The following GPC6 variants were observed in gnomAD, a reference collection of about 807,000 sequenced individuals.
The protein encoded by GPC6 is glypican-6.
A neutral mutation model predicts 55.2 loss-of-function variants in GPC6; 14 were observed. The observed-to-expected ratio is 0.25, with a 90% CI of 0.17 to 0.40. The LOEUF (loss-of-function observed/expected upper bound fraction) is 0.40, where lower values mean the gene tolerates loss of function less well. Ranked by LOEUF, GPC6 falls within the 10% of genes least tolerant of loss-of-function variation. GPC6 has a pLI of 1.00. For synonymous variants in GPC6, 278 were observed against 259.6 expected (o/e 1.07, Z -0.68); for missense variants, 641 against 708.5 (o/e 0.90, Z 1.08).
At chr13:94,125,682 C>T (rs1886783101) in intron 4 of GPC6, among the ~76,000 whole-genome samples, 2 of 151,364 alleles carry the variant, frequency 1.3e-5, no homozygotes, top group African/African-American at 4.9e-5. Context: ...CATGTTATGT[C>T]TCTCAGGTGT....
chr13:94,372,563 A>ACG (rs1464276067), intron 6 of GPC6, among the ~76,000 whole-genome samples: 1 of 152,064 alleles, frequency 6.6e-6, no homozygotes, highest in Non-Finnish European at 1.5e-5. Context: ...GGAGGGTCCT[A>ACG]CGCCCACGGA....
At chr13:94,079,590 A>G (rs895164447) in intron 4 of GPC6, among the ~76,000 whole-genome samples, 1 of 152,116 alleles carries the variant, frequency 6.6e-6, no homozygotes, top group African/African-American at 2.4e-5. Context: ...GTTGCTTTAC[A>G]CTTTAATATT....
rs899989446 is a variant in GPC6 at position 93,396,531 on chromosome 13, A to T, written c.161-148732A>T. ...TGAGCTGAGATCATGCCTGGGCATG[A>T]TACTCCAGCCCGGGCAACAGAGCAA... is the stretch of plus-strand genomic sequence containing the variant. On this transcript the variant is annotated intron_variant, in intron 1 of 8. Coordinates refer to ENST00000377047, the MANE Select transcript of GPC6 (RefSeq NM_005708.5). Among the ~76,000 whole-genome samples, 15 of 152,022 alleles carry T rather than the reference A, an allele frequency of 9.9e-5. No individual in the cohort carries two copies. The East Asian group carries it at 2.7e-3, about 28-fold the overall frequency.
chr13:93,822,926 C>T (rs1029380578), intron 2 of GPC6, among the ~76,000 whole-genome samples: 3 of 151,306 alleles, frequency 2.0e-5, no homozygotes, highest in Admixed American at 6.6e-5. Flanking sequence ...TGCAGTGGCA[C>T]GACCTTGGCT....
At chr13:93,587,102 C>A (rs1877236268) in intron 2 of GPC6, among the ~76,000 whole-genome samples, 1 of 152,084 alleles carries the variant, frequency 6.6e-6, no homozygotes, top group Non-Finnish European at 1.5e-5. Flanking sequence ...ACTTTCTTAT[C>A]TTTGACATAT....
At chr13:93,661,309 T>A (rs998966266) in intron 2 of GPC6, among the ~76,000 whole-genome samples, 1 of 151,808 alleles carries the variant, frequency 6.6e-6, no homozygotes, top group Non-Finnish European at 1.5e-5. Context: ...CGCCTCCTGG[T>A]TTCAAGCGAT....
At chr13:94,090,739 A>G (rs1335725876) in intron 4 of GPC6, among the ~76,000 whole-genome samples, 1 of 152,158 alleles carries the variant, frequency 6.6e-6, no homozygotes, top group African/African-American at 2.4e-5. Flanking sequence ...TTTTATGGAT[A>G]AGTCTGGGTG....
At chr13:93,921,178 G>C (rs1877548811) in intron 3 of GPC6, among the ~76,000 whole-genome samples, 1 of 152,188 alleles carries the variant, frequency 6.6e-6, no homozygotes, top group African/African-American at 2.4e-5. Flanking sequence ...CCTGTGGCAG[G>C]GGTGTGGGTC....
chr13:93,900,032 G>C (rs1876258105), intron 3 of GPC6, among the ~76,000 whole-genome samples: 1 of 152,056 alleles, frequency 6.6e-6, no homozygotes, highest in Admixed American at 6.6e-5. Context: ...AAAATAATTT[G>C]TGGACTCAAA....
intron 4 of GPC6, among the ~76,000 whole-genome samples, chr13:94,060,544 A>T (rs1168756366): frequency 2.0e-5 from 3 of 152,176 alleles, no homozygotes; most frequent in Non-Finnish European, 4.4e-5. Flanking sequence ...GGCTCTAAGA[A>T]ACCACCATAC....
intron 3 of GPC6, among the ~76,000 whole-genome samples, chr13:93,855,336 C>T (rs533220282): frequency 2.6e-4 from 40 of 151,594 alleles, no homozygotes; most frequent in African/African-American, 8.9e-4. Context: ...GAGGTTTCTC[C>T]GTGTCTCTTC....
intron 4 of GPC6, among the ~76,000 whole-genome samples, chr13:94,215,151 T>A (rs1049469415): frequency 1.3e-5 from 2 of 152,222 alleles, no homozygotes; most frequent in Non-Finnish European, 2.9e-5. Flanking sequence ...GTTTTCACAG[T>A]ATGAACTATT....
intron 2 of GPC6, among the ~76,000 whole-genome samples, chr13:93,768,514 T>C (rs1260701305): frequency 6.6e-6 from 1 of 152,122 alleles, no homozygotes; most frequent in Non-Finnish European, 1.5e-5. Context: ...GGCCACTCGG[T>C]AAATATGGGT....
chr13:94,212,106 G>T (rs766697226), intron 4 of GPC6, among the ~76,000 whole-genome samples: 23 of 152,080 alleles, frequency 1.5e-4, no homozygotes, highest in Non-Finnish European at 2.6e-4. Context: ...GACTAAACAT[G>T]GTAGGAAACC....
chr13:94,255,455 C>T (rs1021557407), intron 4 of GPC6, among the ~76,000 whole-genome samples: 3 of 152,258 alleles, frequency 2.0e-5, no homozygotes, highest in African/African-American at 7.2e-5. Flanking sequence ...AGGAAAAGGT[C>T]ACAGAGAAGA....
intron 6 of GPC6, among the ~76,000 whole-genome samples, chr13:94,322,400 G>C (rs1337703576): frequency 6.6e-6 from 1 of 152,144 alleles, no homozygotes; most frequent in Non-Finnish European, 1.5e-5. Flanking sequence ...AGGCCAATCA[G>C]GCAGAGAAGA....
chr13:94,088,588 A>T (rs980739714), intron 4 of GPC6, among the ~76,000 whole-genome samples: 1 of 22,960 alleles, frequency 4.4e-5, no homozygotes, highest in Non-Finnish European at 8.7e-5. Flanking sequence ...AGGGGAGGGG[A>T]GGGGAGAGGA....
At chr13:93,972,867 T>C (rs1364728703) in intron 3 of GPC6, among the ~76,000 whole-genome samples, 4 of 152,084 alleles carry the variant, frequency 2.6e-5, no homozygotes, top group Non-Finnish European at 4.4e-5. Context: ...ATGGAAAATT[T>C]CTGTAGACCA....
chr13:93,774,483 G>A (rs1321328763), intron 2 of GPC6, among the ~76,000 whole-genome samples: 5 of 152,024 alleles, frequency 3.3e-5, no homozygotes, highest in African/African-American at 9.7e-5. Flanking sequence ...GCTCTCCTTC[G>A]TGTATTATTT....
Sources: gnomAD v4.1 joint callset for allele counts (sites outside exome capture counted in the v4.1 genomes callset) on GRCh38, gnomAD v4.1.1 for gene constraint, MANE v1.5 for transcripts, NCBI Gene and HGNC (gene_info 2026-07-23, HGNC 2026-07-21) for gene names.